Variants in SORBS2 observed in about 807,000 individuals in gnomAD.
SORBS2 encodes sorbin and SH3 domain containing 2, also known as sorbin and SH3 domain-containing protein 2.
SORBS2 carries 46 observed loss-of-function variants against 97.7 expected under a neutral mutation model. The observed-to-expected ratio is 0.47, with a 90% CI of 0.37 to 0.60. The LOEUF (loss-of-function observed/expected upper bound fraction) is 0.60, where lower values mean the gene tolerates loss of function less well. SORBS2 is among the 20% of genes least tolerant of loss of function. The pLI is 0.00. For synonymous variants in SORBS2, 476 were observed against 473.4 expected, an observed-to-expected ratio of 1.01 and a Z score of -0.07; for missense variants, 1,316 against 1,282.3, an observed-to-expected ratio of 1.03 and a Z score of -0.40.
chr4:185,917,060 C>T (rs575951467), intron 1 of SORBS2, among the ~76,000 whole-genome samples: 13 of 152,208 alleles, frequency 8.5e-5, no homozygotes, highest in Middle Eastern at 3.4e-3. Context: ...ATTAATCACG[C>T]CTATCTAACA....
intron 12 of SORBS2, among the ~76,000 whole-genome samples, chr4:185,611,512 A>G (rs577248783): frequency 6.6e-6 from 1 of 152,268 alleles, no homozygotes; most frequent in Non-Finnish European, 1.5e-5. Flanking sequence ...ACGAGACTTC[A>G]TGATACTCTC....
intron 1 of SORBS2, among the ~76,000 whole-genome samples, chr4:185,879,070 G>A (rs112591659): frequency 6.6e-5 from 10 of 151,858 alleles, no homozygotes; most frequent in Non-Finnish European, 1.0e-4. Flanking sequence ...TGTGCACAAC[G>A]TGCAGGTTTG....
At chr4:185,814,748 C>A (rs1051740535) in intron 1 of SORBS2, among the ~76,000 whole-genome samples, 1 of 152,230 alleles carries the variant, frequency 6.6e-6, no homozygotes, top group Non-Finnish European at 1.5e-5. Context: ...AATCCCTTTC[C>A]CCTCTTTGCC....
At chr4:185,614,526 G>C (rs758878308) in intron 11 of SORBS2, 3 of 290,160 alleles carry the variant, frequency 1.0e-5, no homozygotes, top group Non-Finnish European at 1.3e-5. Context: ...GTATCAAACT[G>C]CTTTTTCCTT....
chr4:185,898,856 G>T (rs1579376215), intron 1 of SORBS2, among the ~76,000 whole-genome samples: 1 of 152,312 alleles, frequency 6.6e-6, no homozygotes, highest in South Asian at 2.1e-4. Context: ...AAATCTAAAA[G>T]GCGATTATGC....
intron 1 of SORBS2, among the ~76,000 whole-genome samples, chr4:185,909,985 GAAAAAA>G (rs142443290): frequency 1.8e-5 from 2 of 112,670 alleles, no homozygotes; most frequent in Admixed American, 9.6e-5. Flanking sequence ...CTCCATCTCA[GAAAAAA>G]AAAAAAAAAA....
At chr4:185,614,923 G>A (rs923003862) in exon 11 of SORBS2, 2 of 1,614,142 alleles carry the variant, frequency 1.2e-6, no homozygotes, top group Non-Finnish European at 1.7e-6. Flanking sequence ...GGCGGAGGTG[G>A]TCTTGCAGGC....
chr4:185,835,630 T>C (rs2099207609), intron 1 of SORBS2, among the ~76,000 whole-genome samples: 3 of 151,330 alleles, frequency 2.0e-5, no homozygotes, highest in South Asian at 4.2e-4. Context: ...TTGTTGTTTG[T>C]ATTTTTGCCA....
intron 4 of SORBS2, chr4:185,665,815 C>CGGCCAGTG: frequency 9.0e-7 from 1 of 1,114,396 alleles, no homozygotes; most frequent in Non-Finnish European, 1.1e-6. Context: ...TGTCTCAGAA[C>CGGCCAGTG]GGCCAGTGGT....
At chr4:185,603,513 A>G (rs376971261) in intron 12 of SORBS2, among the ~76,000 whole-genome samples, 2 of 152,182 alleles carry the variant, frequency 1.3e-5, no homozygotes, top group South Asian at 2.1e-4. Flanking sequence ...AGTGGTTTTG[A>G]GATTGTATAA....
chr4:185,711,059 G>T (rs890091623), intron 2 of SORBS2, among the ~76,000 whole-genome samples: 1 of 152,056 alleles, frequency 6.6e-6, no homozygotes, highest in African/African-American at 2.4e-5. Flanking sequence ...AGCCTTGACT[G>T]CCTGGATTCA....
upstream of SORBS2, among the ~76,000 whole-genome samples, chr4:185,661,227 G>A (rs1354650172): frequency 6.7e-6 from 1 of 150,226 alleles, no homozygotes; most frequent in Admixed American, 6.7e-5. Context: ...AGTGAGCCGA[G>A]ATCGCCCCAT....
chr4:185,696,028 C>T lies in SORBS2; in HGVS notation c.-197-17206G>A, dbSNP rs115353556. Among the ~76,000 whole-genome samples the T allele has an allele frequency of 3.3e-3, 503 of 152,198 alleles. 1 individual carries two copies. Among genetic ancestry groups the T allele is most frequent in the Middle Eastern group, 0.01 (3 of 294 alleles). ...AAAATGTTCCTTATTATTCAGGAGC[C>T]GAATTACCCGCGGCATCTATTTATC... On this transcript the variant is annotated intron_variant, in intron 2 of 20. Transcript: ENST00000284776.
At chr4:185,688,582 A>G (rs2098025966) in intron 2 of SORBS2, among the ~76,000 whole-genome samples, 1 of 152,098 alleles carries the variant, frequency 6.6e-6, no homozygotes. Flanking sequence ...GAGAAAAATA[A>G]CTTGTGGGGC....
chr4:185,761,687 G>A (rs571643234), intron 2 of SORBS2: 1 of 152,324 alleles, frequency 6.6e-6, no homozygotes, highest in Non-Finnish European at 1.5e-5. Flanking sequence ...CATTGTGTCC[G>A]AAAGAGAATC....
At chr4:185,624,591 T>C (rs995770480) in intron 6 of SORBS2, 97 bp from the exon 19 acceptor site, 11 of 1,310,730 alleles carry the variant, frequency 8.4e-6, no homozygotes, top group Non-Finnish European at 1.1e-5. Flanking sequence ...TCAGACAGCA[T>C]AGCAAGGAGA....
intron 4 of SORBS2, among the ~76,000 whole-genome samples, chr4:185,673,160 C>A (rs183658631): frequency 1.3e-5 from 2 of 152,172 alleles, no homozygotes; most frequent in East Asian, 1.9e-4. Flanking sequence ...GGTTGCCAGG[C>A]GCTTGGGGAA....
intron 1 of SORBS2, among the ~76,000 whole-genome samples, chr4:185,879,223 T>A (rs1207873342): frequency 4.4e-5 from 6 of 136,178 alleles, no homozygotes; most frequent in African/African-American, 8.2e-5. Flanking sequence ...CCTGTGTCCA[T>A]GTGTTCTCAT....
chr4:185,666,276 G>T, intron 4 of SORBS2: 2 of 781,650 alleles, frequency 2.6e-6, no homozygotes, highest in Non-Finnish European at 3.7e-6. Context: ...TTGCGATGTG[G>T]CAGAGAAGGC....
Sources: gnomAD v4.1 joint callset for allele counts (sites outside exome capture counted in the v4.1 genomes callset) on GRCh38, gnomAD v4.1.1 for gene constraint, MANE v1.5 for transcripts, NCBI Gene and HGNC (gene_info 2026-07-23, HGNC 2026-07-21) for gene names.